NFIA: variants seen among roughly 807,000 people sequenced by gnomAD.
NFIA encodes nuclear factor I A.
In NFIA, 8 loss-of-function variants were observed where a neutral mutation model predicts 62.8. The ratio of observed to expected loss-of-function variants is 0.13; its 90% CI spans 0.07 to 0.23. NFIA has a LOEUF of 0.23. Among genes scored for constraint, NFIA ranks in the 10% least tolerant of loss-of-function variants. The pLI is 1.00. For missense variants in NFIA, 410 were observed against 642.1 expected (o/e 0.64, Z 3.91); for synonymous variants, 235 against 238.1 (o/e 0.99, Z 0.12).
At chr1:61,369,991 A>G (rs898528087) in intron 6 of NFIA, among the ~76,000 whole-genome samples, 1 of 152,196 alleles carries the variant, frequency 6.6e-6, no homozygotes, top group African/African-American at 2.4e-5. Context: ...TTGGCCATCA[A>G]TGTTTTTAAC....
intron 2 of NFIA, among the ~76,000 whole-genome samples, chr1:61,214,337 A>C (rs975321528): frequency 1.3e-5 from 2 of 152,036 alleles, no homozygotes; most frequent in African/African-American, 4.8e-5. Flanking sequence ...CAATAAAAAA[A>C]AAAAAGTCCT....
At chr1:61,402,735 G>A (rs1362206108) in intron 7 of NFIA, among the ~76,000 whole-genome samples, 1 of 152,174 alleles carries the variant, frequency 6.6e-6, no homozygotes, top group African/African-American at 2.4e-5. Flanking sequence ...ATTAAAGATT[G>A]CATAAATTAA....
chr1:61,298,156 C>T (rs1045429283), intron 3 of NFIA, among the ~76,000 whole-genome samples: 7 of 152,026 alleles, frequency 4.6e-5, no homozygotes, highest in Admixed American at 2.6e-4. Flanking sequence ...GGGCAGTTTC[C>T]CCCACGTTGT....
At chr1:61,141,119 C>T (rs1647486728) in intron 2 of NFIA, among the ~76,000 whole-genome samples, 1 of 151,924 alleles carries the variant, frequency 6.6e-6, no homozygotes, top group Non-Finnish European at 1.5e-5. Flanking sequence ...GAAGAGATTT[C>T]TTAGAATGAC....
intron 6 of NFIA, among the ~76,000 whole-genome samples, chr1:61,374,889 A>G (rs914148834): frequency 1.3e-5 from 2 of 152,180 alleles, no homozygotes; most frequent in East Asian, 1.9e-4. Flanking sequence ...AAAATAGTCT[A>G]TTTTACCTTT....
chr1:61,440,314 A>G (rs902067907), intron 10 of NFIA, among the ~76,000 whole-genome samples: 1 of 152,202 alleles, frequency 6.6e-6, no homozygotes, highest in Admixed American at 6.5e-5. Flanking sequence ...AAATTTAATG[A>G]TGATTATTAT....
At chr1:61,177,988 C>T (rs1308108070) in intron 2 of NFIA, among the ~76,000 whole-genome samples, 3 of 152,160 alleles carry the variant, frequency 2.0e-5, no homozygotes, top group Non-Finnish European at 2.9e-5. Context: ...TCCCTTCGAG[C>T]GCATGAATTG....
intron 9 of NFIA, among the ~76,000 whole-genome samples, chr1:61,417,661 G>A (rs954737123): frequency 2.6e-5 from 4 of 152,058 alleles, no homozygotes; most frequent in African/African-American, 9.7e-5. Context: ...TAACCCTTGA[G>A]AAGTTTGGGT....
intron 1 of NFIA, among the ~76,000 whole-genome samples, 159 bp downstream of exon 1, chr1:61,082,977 T>G (rs1436670202): frequency 1.6e-5 from 1 of 62,686 alleles, no homozygotes; most frequent in African/African-American, 6.5e-5. Flanking sequence ...TGTGCGCGCG[T>G]GTGCCCGCGG....
chr1:61,335,906 T>C (rs2100400259), intron 4 of NFIA, among the ~76,000 whole-genome samples: 1 of 152,240 alleles, frequency 6.6e-6, no homozygotes, highest in South Asian at 2.1e-4. Flanking sequence ...TTAGCCCTGT[T>C]AGGAGTGTGA....
chr1:61,224,665 G>A (rs1654218828), intron 2 of NFIA, among the ~76,000 whole-genome samples: 1 of 152,102 alleles, frequency 6.6e-6, no homozygotes, highest in South Asian at 2.1e-4. Flanking sequence ...AGTGCCTGGT[G>A]GTGGGGGACT....
At chr1:61,426,372 A>T in intron 9 of NFIA, 93 bp from the exon 10 acceptor site, 1 of 827,178 alleles carries the variant, frequency 1.2e-6, no homozygotes, top group Non-Finnish European at 2.0e-6. Context: ...CTTGTTAATC[A>T]GCTGCGTCGG....
intron 6 of NFIA, among the ~76,000 whole-genome samples, chr1:61,374,877 T>C (rs1427075802): frequency 6.6e-6 from 1 of 152,206 alleles, no homozygotes; most frequent in Admixed American, 6.5e-5. Flanking sequence ...AGGCTAAAAG[T>C]CAAAATAGTC....
intron 2 of NFIA, among the ~76,000 whole-genome samples, chr1:61,172,276 G>A (rs1471248799): frequency 1.4e-5 from 2 of 145,754 alleles, no homozygotes; most frequent in African/African-American, 2.5e-5. Flanking sequence ...AGCAGAGGAT[G>A]GTATCCCCAG....
At chr1:61,327,509 G>A (rs867267931) in intron 3 of NFIA, among the ~76,000 whole-genome samples, 5 of 151,870 alleles carry the variant, frequency 3.3e-5, no homozygotes, top group Non-Finnish European at 2.9e-5. Context: ...AGAACATGAC[G>A]GTATTTAGTT....
chr1:61,125,463 A>G (rs1220123650), intron 2 of NFIA, among the ~76,000 whole-genome samples: 1 of 152,240 alleles, frequency 6.6e-6, no homozygotes, highest in Non-Finnish European at 1.5e-5. Flanking sequence ...TCGATAACCA[A>G]GTTAGGAACG....
At chr1:61,223,833 G>A (rs905109219) in intron 2 of NFIA, among the ~76,000 whole-genome samples, 7 of 151,986 alleles carry the variant, frequency 4.6e-5, no homozygotes, top group African/African-American at 1.7e-4. Flanking sequence ...ATACTTTGAG[G>A]TTTTCTGAGG....
intron 2 of NFIA, among the ~76,000 whole-genome samples, chr1:61,155,469 C>T (rs974026836): frequency 8.6e-5 from 13 of 150,466 alleles, no homozygotes; most frequent in African/African-American, 2.4e-4. Flanking sequence ...GTCAGGAGAT[C>T]GAGACCATCC....
chr1:61,333,097 A>T (rs1051483234), intron 4 of NFIA, among the ~76,000 whole-genome samples: 2 of 151,790 alleles, frequency 1.3e-5, no homozygotes, highest in Non-Finnish European at 2.9e-5. Context: ...ACACATACAC[A>T]GTTGCCTTCC....
Sources: allele counts gnomAD v4.1 joint callset (sites outside exome capture counted in the v4.1 genomes callset), GRCh38; gene constraint gnomAD v4.1.1; transcripts MANE v1.5; gene names NCBI Gene and HGNC (gene_info 2026-07-23, HGNC 2026-07-21).